The following CENPE variants were observed in gnomAD, a reference collection of about 807,000 sequenced individuals.
CENPE encodes centromere protein E, also known as centromere-associated protein E.
A neutral mutation model predicts 336.1 loss-of-function variants in CENPE; 145 were observed. That is an observed-to-expected ratio of 0.43 (90% CI 0.38 to 0.50). CENPE has a LOEUF of 0.50. Among genes scored for constraint, CENPE ranks in the 20% least tolerant of loss-of-function variants. The probability of loss-of-function intolerance (pLI) is 0.00; values close to 1 mark genes in which losing one functional copy is unlikely to be tolerated. For missense variants in CENPE, 2,719 were observed against 3,023.3 expected (o/e 0.90, Z 2.36); for synonymous variants, 1,013 against 984.8 (o/e 1.03, Z -0.54).
chr4:103,136,603 C>T (rs1051068038), intron 39 of CENPE, among the ~76,000 whole-genome samples: 2 of 152,090 alleles, frequency 1.3e-5, no homozygotes, highest in Non-Finnish European at 2.9e-5. Context: ...CAGGACCAAC[C>T]ATTCTTAACA....
intron 42 of CENPE, among the ~76,000 whole-genome samples, chr4:103,128,959 C>A (rs113164781): frequency 0.014 from 2,079 of 152,126 alleles, 36 homozygotes; most frequent in African/African-American, 0.048. Flanking sequence ...AGTTAATAAA[C>A]CTCTAGCTAG....
At chr4:103,134,303 T>C (rs1424025619) in intron 40 of CENPE, among the ~76,000 whole-genome samples, 3 of 152,266 alleles carry the variant, frequency 2.0e-5, no homozygotes, top group Non-Finnish European at 4.4e-5. Flanking sequence ...CTGCCAACGC[T>C]GATTGGGTAA....
chr4:103,188,704 T>C (rs1337697328), intron 8 of CENPE, among the ~76,000 whole-genome samples: 1 of 152,040 alleles, frequency 6.6e-6, no homozygotes, highest in Non-Finnish European at 1.5e-5. Context: ...AGATCTAAAA[T>C]TGACACCCTA....
chr4:103,143,666 C>T (rs956219672), intron 33 of CENPE, among the ~76,000 whole-genome samples: 4 of 152,188 alleles, frequency 2.6e-5, no homozygotes, highest in Non-Finnish European at 5.9e-5. Flanking sequence ...AATTCCATGA[C>T]GTGAATGTGC....
chr4:103,130,740 A>G (rs1488334148), intron 42 of CENPE, among the ~76,000 whole-genome samples: 1 of 152,138 alleles, frequency 6.6e-6, no homozygotes, highest in East Asian at 1.9e-4. Context: ...ATGTTACTTG[A>G]CTTCCAGATT....
At chr4:103,186,628 T>C (rs1231153716) in intron 8 of CENPE, among the ~76,000 whole-genome samples, 1 of 152,166 alleles carries the variant, frequency 6.6e-6, no homozygotes, top group Non-Finnish European at 1.5e-5. Flanking sequence ...GGGCTACAAA[T>C]AAATAAGGTC....
At chr4:103,121,508 T>C (rs1750615222) in intron 43 of CENPE, among the ~76,000 whole-genome samples, 1 of 151,984 alleles carries the variant, frequency 6.6e-6, no homozygotes, top group Non-Finnish European at 1.5e-5. Flanking sequence ...TATCCTGTTG[T>C]ATCAAAATAA....
At chr4:103,161,665 A>G (rs1357989732) in intron 18 of CENPE, among the ~76,000 whole-genome samples, 1 of 152,156 alleles carries the variant, frequency 6.6e-6, no homozygotes, top group Admixed American at 6.5e-5. Context: ...TATAAGCAAT[A>G]TATCAAATTA....
chr4:103,196,194 T>C lies in CENPE; in HGVS notation c.207A>G (p.Pro69=), dbSNP rs1436708890. ...AGCCTTGTATGGCAGAATCGATGATTGGTGCTGCTATTTCTTCATACACAT... is the reference window on the plus strand; with the variant it reads ...AGCCTTGTATGGCAGAATCGATGATCGGTGCTGCTATTTCTTCATACACAT... ...TKNVYEEIAA[P]IIDSAIQGYN... The change falls in exon 3 of 49, where the codon CCA becomes CCG. Residue 69 remains proline, a synonymous_variant. Coordinates refer to ENST00000265148, the MANE Select transcript of CENPE (RefSeq NM_001813.3). 6.2e-7 allele frequency: 1 copy of C among 1,613,930 alleles called. No individual in the cohort carries two copies. The highest frequency in any genetic ancestry group is 8.5e-7 in the Non-Finnish European group (1 of 1,179,826).
At chr4:103,128,810 C>T (rs960074635) in intron 42 of CENPE, among the ~76,000 whole-genome samples, 4 of 151,892 alleles carry the variant, frequency 2.6e-5, no homozygotes, top group Admixed American at 6.6e-5. Context: ...AGGCTTTAAC[C>T]TTAGGAAACT....
intron 33 of CENPE, among the ~76,000 whole-genome samples, chr4:103,143,852 T>G (rs897207888): frequency 6.6e-6 from 1 of 152,228 alleles, no homozygotes; most frequent in Non-Finnish European, 1.5e-5. Context: ...AATAAACCTT[T>G]GGAAAAATTT....
At chr4:103,188,736 G>C (rs532767141) in intron 8 of CENPE, among the ~76,000 whole-genome samples, 2 of 152,234 alleles carry the variant, frequency 1.3e-5, no homozygotes, top group Admixed American at 1.3e-4. Context: ...AAAAGAACTA[G>C]AAAAGCAAGA....
Position 103,183,356 on chromosome 4 carries a change from C to T in CENPE, c.746-68G>A, listed in dbSNP as rs1386037048. ...TTCTAGATGATAAACTTATTTATCACTAAGTTAATGAGAGAAATTAGAGGG... is the reference window on the plus strand; with the variant it reads ...TTCTAGATGATAAACTTATTTATCATTAAGTTAATGAGAGAAATTAGAGGG... On this transcript the variant is annotated intron_variant, in intron 9 of 48. Coordinates refer to ENST00000265148, the MANE Select transcript of CENPE (RefSeq NM_001813.3). 3 of 1,260,318 alleles carry T rather than the reference C, an allele frequency of 2.4e-6. No homozygotes were observed. The African/African-American group carries it at 4.5e-5, about 19-fold the overall frequency. 78.1% of individuals were successfully genotyped at this position (1,260,318 alleles called of 1,614,324 possible).
At position 103,174,857 on chromosome 4, in the gene CENPE, T is replaced by C. The variant is rs745845891; in HGVS notation, c.1526A>G (p.Asn509Ser). 2 of 1,527,136 alleles carry C rather than the reference T, an allele frequency of 1.3e-6. No individual in the cohort carries two copies. Among genetic ancestry groups the C allele is most frequent in the South Asian group, 2.6e-5 (2 of 77,780 alleles). The allele number at this position is 1,527,136 out of a possible 1,614,324, so 94.6% of individuals were successfully genotyped here. The stretch of plus-strand genomic sequence containing the variant: ...TAGTTGTTCATAGTCTAATACCAGA[T>C]TATCATAGTCAGCACGAAGTGAGTT... The part of the protein sequence containing the change: ...ELNSLRADYD[N>S]LVLDYEQLRT... Residue 509 changes from asparagine to serine, a missense_variant, in exon 16 of 49, where the codon AAT becomes AGT. By Grantham distance (46) the Asn-to-Ser change is conservative. Transcript: ENST00000265148.
chr4:103,162,018 GA>G (rs1398245183), intron 18 of CENPE, among the ~76,000 whole-genome samples: 1 of 151,852 alleles, frequency 6.6e-6, no homozygotes, highest in East Asian at 1.9e-4. Context: ...TATGTCCTTG[GA>G]AAAAAATTAA....
In CENPE at chr4:103,114,520, T is replaced by G. The variant is rs775217023; in HGVS notation, c.7475A>C (p.Gln2492Pro). 6.2e-7 allele frequency: 1 copy of G among 1,611,332 alleles called. No homozygotes were observed. Among genetic ancestry groups the G allele is most frequent in the South Asian group, 1.1e-5 (1 of 91,054 alleles). ...TCTCAATAGCCTTATAACTTCCTTT[T>G]GATATTCTACAGTGGCTTTTGTAGC... is the stretch of plus-strand genomic sequence containing the variant. ...ISATKATVEY[Q>P]KEVIRLLREN... The change falls in exon 46 of 49, where the codon CAA becomes CCA. Residue 2492 changes from glutamine (Q) to proline (P), a missense_variant. Physicochemically the swap from Gln to Pro is moderately conservative, Grantham distance 76. This residue lies in a region of CENPE where 2,437 missense variants were observed against 2,513.3 expected (regional missense o/e 0.97). Coordinates refer to ENST00000265148, the MANE Select transcript of CENPE (RefSeq NM_001813.3).
In CENPE at chr4:103,120,238, C is replaced by A; in HGVS notation, c.7239G>T (p.Val2413=). 1 of 1,612,474 alleles carries A rather than the reference C, an allele frequency of 6.2e-7. No homozygotes were observed. The highest frequency in any genetic ancestry group is 1.1e-5 in the South Asian group (1 of 90,870). ...KIIKMQKELE[V]TNDIIAKLQA... ...GAAGTTTTGCTATTATGTCATTAGT[C>A]ACCTCAAGTTCTTTCTGCATCTTTA... The change falls in exon 44 of 49, where the codon GTG becomes GTT. Residue 2413 remains valine, a synonymous_variant. Coordinates refer to ENST00000265148, the MANE Select transcript of CENPE (RefSeq NM_001813.3).
intron 16 of CENPE, among the ~76,000 whole-genome samples, chr4:103,169,151 A>G (rs1178636509): frequency 6.6e-6 from 1 of 152,220 alleles, no homozygotes; most frequent in Non-Finnish European, 1.5e-5. Context: ...CAATGAACAA[A>G]ATGAAAAATG....
In CENPE at chr4:103,195,240, G is replaced by A. The variant is rs1316556892; in HGVS notation, c.358-7C>T. The A allele has an allele frequency of 9.0e-6, 14 of 1,563,180 alleles. No individual in the cohort carries two copies. In the East Asian group the frequency reaches 3.0e-4, roughly 34 times the overall value. ...GAAATTCCCTATCAGGAAACTAGAA[G>A]AAAAAAAATTATATAAAAACACCAG... is the stretch of plus-strand genomic sequence containing the variant. On this transcript the variant is annotated splice_region_variant and splice_polypyrimidine_tract_variant and intron_variant, in intron 4 of 48. Transcript: ENST00000265148.
Sources: allele counts gnomAD v4.1 joint callset (sites outside exome capture counted in the v4.1 genomes callset), GRCh38; gene constraint gnomAD v4.1.1; regional missense constraint gnomAD v4.1.1; transcripts MANE v1.5; gene names NCBI Gene and HGNC (gene_info 2026-07-23, HGNC 2026-07-21).